SACS: variants seen among roughly 807,000 people sequenced by gnomAD.
The protein encoded by SACS is sacsin.
SACS carries 197 observed loss-of-function variants against 348.0 expected under a neutral mutation model. That is an observed-to-expected ratio of 0.57 (90% CI 0.50 to 0.64). SACS has a LOEUF of 0.64. Ranked by LOEUF, SACS falls within the 30% of genes least tolerant of loss-of-function variation. SACS has a pLI of 0.00. For missense variants in SACS, 4,999 were observed against 5,360.8 expected, an observed-to-expected ratio of 0.93 and a Z score of 2.11; for synonymous variants, 1,985 against 1,910.6, an observed-to-expected ratio of 1.04 and a Z score of -1.02.
In SACS at chr13:23,335,467, G is replaced by A. The variant is rs746612218; in HGVS notation, c.8409C>T (p.Thr2803=). ...CAGAGTCCTCAGTATCCATAGTATAGGTTATTTGTTGAACTGGTATGTCTT... is the reference window on the plus strand; with the variant it reads ...CAGAGTCCTCAGTATCCATAGTATAAGTTATTTGTTGAACTGGTATGTCTT... ...QLKDIPVQQI[T]YTMDTEDSEG... Residue 2803 remains threonine (T), a synonymous_variant, in exon 10 of 10, where the codon ACC becomes ACT. Transcript: ENST00000382292. This position sits in a 1 kb window ranked among gnomAD's most constrained non-coding sequence, Gnocchi z 4.7. The A allele has an allele frequency of 1.9e-6, 3 of 1,613,656 alleles. No individual in the cohort carries two copies. The highest frequency in any genetic ancestry group is 2.2e-5 in the South Asian group (2 of 91,076).
At chr13:23,387,064 CAA>C (rs1398239531) in intron 2 of SACS, among the ~76,000 whole-genome samples, 1 of 151,948 alleles carries the variant, frequency 6.6e-6, no homozygotes, top group Non-Finnish European at 1.5e-5. Context: ...TGAGAATTTC[CAA>C]AATGCGACAC....
At chr13:23,409,182 T>G (rs1186691040) in intron 2 of SACS, among the ~76,000 whole-genome samples, 23 of 142,538 alleles carry the variant, frequency 1.6e-4, no homozygotes, top group Non-Finnish European at 2.9e-4. Context: ...TCAGCCTCCC[T>G]AGTAGCTGGG....
chr13:23,420,507 G>C (rs937248285), intron 1 of SACS, among the ~76,000 whole-genome samples: 11 of 152,280 alleles, frequency 7.2e-5, no homozygotes, highest in Admixed American at 7.2e-4. Flanking sequence ...AGTCTACCTA[G>C]AATCCAGTGT....
chr13:23,349,926 T>C (rs907152537), intron 9 of SACS, among the ~76,000 whole-genome samples: 2 of 152,158 alleles, frequency 1.3e-5, no homozygotes, highest in East Asian at 3.8e-4. Context: ...GAAGATATGG[T>C]GGTCACTAAC....
In SACS at chr13:23,412,628, G is replaced by A. The variant is rs375361718; in HGVS notation, c.-501-888C>T. On this transcript the variant is annotated intron_variant, in intron 1 of 9. Transcript: ENST00000382292. The stretch of plus-strand genomic sequence containing the variant: ...GGGGTTTTGCCCTGTTGGCCAGGCT[G>A]GTCTTGAACTTTTGACCTCAAGTGA... Among the ~76,000 whole-genome samples, 15 of 152,192 alleles carry A rather than the reference G, an allele frequency of 9.9e-5. No individual in the cohort carries two copies. The East Asian group carries it at 1.7e-3, about 18-fold the overall frequency.
In SACS at chr13:23,339,031, A is replaced by G. The variant is rs1259263646; in HGVS notation, c.4845T>C (p.Pro1615=). ...SKQQKRLRKF[P]NQFKPFIDVF... The stretch of plus-strand genomic sequence containing the variant: ...CATCTATAAATGGTTTGAACTGATT[A>G]GGAAATTTTCTAAGTCTTTTCTGTT... Residue 1615 remains proline (P), a synonymous_variant, in exon 10 of 10, where the codon CCT becomes CCC. Coordinates refer to ENST00000382292, the MANE Select transcript of SACS (RefSeq NM_014363.6). 2.5e-6 allele frequency: 4 copies of G among 1,613,674 alleles called. No homozygotes were observed. Among genetic ancestry groups the G allele is most frequent in the African/African-American group, 1.3e-5 (1 of 75,050 alleles).
chr13:23,343,189 G>T lies in SACS; in HGVS notation c.2186-1499C>A, dbSNP rs1292534963. On this transcript the variant is annotated intron_variant, in intron 9 of 9. Coordinates refer to ENST00000382292, the MANE Select transcript of SACS (RefSeq NM_014363.6). ...GCAGTTTTTACTGATTTTAACCACT[G>T]GCCTAGAAATTAACAGTTTCTTTCT... 1.3e-5 allele frequency among the ~76,000 whole-genome samples: 2 copies of T among 152,054 alleles called. 1 individual carries two copies. Among genetic ancestry groups the T allele is most frequent in the East Asian group, 3.8e-4 (2 of 5,196 alleles).
At chr13:23,415,840 G>T (rs1873671310) in intron 1 of SACS, among the ~76,000 whole-genome samples, 1 of 152,136 alleles carries the variant, frequency 6.6e-6, no homozygotes, top group Non-Finnish European at 1.5e-5. Flanking sequence ...TGATCGAAGT[G>T]CCTGCTGAAA....
intron 5 of SACS, among the ~76,000 whole-genome samples, chr13:23,366,991 A>G (rs1871104780): frequency 1.3e-5 from 2 of 152,196 alleles, no homozygotes; most frequent in Admixed American, 6.5e-5. Context: ...CTACAATACA[A>G]ATATATCTAT....
In SACS at chr13:23,337,079, T is replaced by C; in HGVS notation, c.6797A>G (p.His2266Arg). Residue 2266 changes from histidine to arginine, a missense_variant, in exon 10 of 10, where the codon CAT (histidine) becomes CGT (arginine). His to Arg is a conservative substitution (Grantham distance 29, BLOSUM62 0). Around this residue, in one of 6 missense-constraint regions of SACS, gnomAD observed 3,156 missense variants for 3,380.1 expected, o/e 0.93. Coordinates refer to ENST00000382292, the MANE Select transcript of SACS (RefSeq NM_014363.6). ...LLQPILNENS[H>R]SFRGCGSVSL... ...CACTGAACCACAACCTCTAAAAGAA[T>C]GGGAATTTTCATTTAGAATTGGTTG... The C allele has an allele frequency of 1.2e-6, 2 of 1,613,972 alleles. No individual in the cohort carries two copies. The highest frequency in any genetic ancestry group is 1.7e-6 in the Non-Finnish European group (2 of 1,179,894).
rs779589728 is a variant in SACS at position 23,337,697 on chromosome 13, A to G, written c.6179T>C (p.Val2060Ala). 5.0e-6 allele frequency: 8 copies of G among 1,612,812 alleles called. No individual in the cohort carries two copies. The highest frequency in any genetic ancestry group is 6.8e-6 in the Non-Finnish European group (8 of 1,179,710). ...TFSEKQFFSE[V>A]FFPNIQEIEA... ...AATTTCTTGAATATTTGGAAAAAAC[A>G]CTTCAGAAAAAAACTGTTTCTCTGA... The change falls in exon 10 of 10, where the codon GTG (valine) becomes GCG (alanine). Residue 2060 changes from valine (V) to alanine (A), a missense_variant. Physicochemically the swap from Val to Ala is moderately conservative, Grantham distance 64 (BLOSUM62 0). Around this residue, in one of 6 missense-constraint regions of SACS, gnomAD observed 3,156 missense variants for 3,380.1 expected, o/e 0.93. Transcript: ENST00000382292.
intron 1 of SACS, among the ~76,000 whole-genome samples, chr13:23,418,728 CT>C (rs1252322014): frequency 6.6e-6 from 1 of 152,220 alleles, no homozygotes; most frequent in Non-Finnish European, 1.5e-5. Flanking sequence ...TGGTCTCAAA[CT>C]CCTGACCTCA....
intron 7 of SACS, among the ~76,000 whole-genome samples, chr13:23,356,314 C>T (rs1870387539): frequency 6.6e-6 from 1 of 152,144 alleles, no homozygotes; most frequent in South Asian, 2.1e-4. Context: ...ACACTTAACC[C>T]CCACCACCAT....
chr13:23,405,817 G>A (rs1873179832), intron 2 of SACS, among the ~76,000 whole-genome samples: 1 of 152,160 alleles, frequency 6.6e-6, no homozygotes, highest in Non-Finnish European at 1.5e-5. Context: ...TTAGAGAAAT[G>A]CAAATCAAAA....
chr13:23,395,237 G>T (rs549561985), intron 2 of SACS, among the ~76,000 whole-genome samples: 1 of 152,178 alleles, frequency 6.6e-6, no homozygotes, highest in South Asian at 2.1e-4. Context: ...AGTACCATTA[G>T]TTAAGAGTAT....
rs1477602762 is a variant in SACS at position 23,329,667 on chromosome 13, G to C, written c.*469C>G. On this transcript the variant is annotated 3_prime_UTR_variant, in exon 10 of 10. Transcript: ENST00000382292. ...ATTCATGATCAGAGCCAGCTGATGA[G>C]AAAATAACGCATCCAAGAGGATCCA... 9.5e-6 allele frequency: 5 copies of C among 525,244 alleles called. No homozygotes were observed. The highest frequency in any genetic ancestry group is 1.3e-5 in the Non-Finnish European group (4 of 302,740). The allele number at this position is 525,244 out of a possible 1,614,324, so 32.5% of individuals were successfully genotyped here. A position where few individuals can be genotyped will look rare whatever the true frequency, so the allele number is the denominator to read the frequency against.
In SACS at chr13:23,331,962, G is replaced by A. The variant is rs781491486; in HGVS notation, c.11914C>T (p.Arg3972Ter). 3.7e-6 allele frequency: 6 copies of A among 1,613,980 alleles called. No individual in the cohort carries two copies. Among genetic ancestry groups the A allele is most frequent in the Non-Finnish European group, 4.2e-6 (5 of 1,179,952 alleles). The change falls in exon 10 of 10, where the codon CGA (arginine) becomes TGA (stop). Residue 3972 changes from arginine to a stop codon, truncating the protein, a stop_gained. Coordinates refer to ENST00000382292, the MANE Select transcript of SACS (RefSeq NM_014363.6). LOFTEE classifies it high-confidence loss of function. Reference sequence around the variant, plus strand: ...TCTTCAAGTATACTGCTCAATAATCGAGGTCTAAGTTTTTGAGGAAAGAGC... The same window carrying A: ...TCTTCAAGTATACTGCTCAATAATCAAGGTCTAAGTTTTTGAGGAAAGAGC... Reference protein sequence around the residue: ...IMLFPQKLRPRLLSSILEEQL... With the variant: ...IMLFPQKLRP
intron 2 of SACS, among the ~76,000 whole-genome samples, chr13:23,388,936 C>G (rs909579261): frequency 8.6e-5 from 13 of 151,900 alleles, no homozygotes; most frequent in Non-Finnish European, 1.8e-4. Flanking sequence ...ACCAAAGAAT[C>G]AGAAACCAAA....
At position 23,384,894 on chromosome 13, in the gene SACS, C is replaced by T. The variant is rs149588611; in HGVS notation, c.21-9625G>A. ...TAAGTCACATAATATTTTGTTTTCC[C>T]GGTGCAGATAAAAGTTATGTTTATA... On this transcript the variant is annotated intron_variant, in intron 2 of 9. Coordinates refer to ENST00000382292, the MANE Select transcript of SACS (RefSeq NM_014363.6). 6.9e-4 allele frequency among the ~76,000 whole-genome samples: 105 copies of T among 152,102 alleles called. No individual in the cohort carries two copies. In the East Asian group the frequency reaches 0.018, roughly 26 times the overall value.
Sources: allele counts gnomAD v4.1 joint callset (sites outside exome capture counted in the v4.1 genomes callset), GRCh38; gene constraint gnomAD v4.1.1; regional missense constraint gnomAD v4.1.1; non-coding constraint Gnocchi (gnomAD v3.1); transcripts MANE v1.5; gene names NCBI Gene and HGNC (gene_info 2026-07-23, HGNC 2026-07-21).